The following MAPK8IP3 variants were observed in gnomAD, a reference collection of about 807,000 sequenced individuals.
MAPK8IP3 encodes the protein C-Jun-amino-terminal kinase-interacting protein 3.
A neutral mutation model predicts 157.8 loss-of-function variants in MAPK8IP3; 49 were observed. That is an observed-to-expected ratio of 0.31 (90% CI 0.25 to 0.39). The LOEUF (loss-of-function observed/expected upper bound fraction) is 0.39. Among genes scored for constraint, MAPK8IP3 ranks in the 10% least tolerant of loss-of-function variants. The probability of loss-of-function intolerance (pLI) is 1.00; values close to 1 mark genes in which losing one functional copy is unlikely to be tolerated. For missense variants in MAPK8IP3, 1,478 were observed against 1,889.4 expected, an observed-to-expected ratio of 0.78 and a Z score of 4.04; for synonymous variants, 897 against 777.7, an observed-to-expected ratio of 1.15 and a Z score of -2.55.
chr16:1,761,542 G>A (rs1190648204), intron 13 of MAPK8IP3, among the ~76,000 whole-genome samples: 3 of 147,124 alleles, frequency 2.0e-5, no homozygotes, highest in African/African-American at 7.8e-5. Flanking sequence ...CAGGCAGGGC[G>A]GCCGCCATTC....
intron 8 of MAPK8IP3, among the ~76,000 whole-genome samples, chr16:1,756,790 C>G (rs1246423293): frequency 6.6e-6 from 1 of 152,048 alleles, no homozygotes; most frequent in East Asian, 1.9e-4. Context: ...CCACTGCACT[C>G]CAGCCTGAGC....
At position 1,724,234 on chromosome 16, in the gene MAPK8IP3, G is replaced by A. The variant is rs1009496203; in HGVS notation, c.319-323G>A. Among the ~76,000 whole-genome samples, 20 of 152,224 alleles carry A rather than the reference G, an allele frequency of 1.3e-4. No individual in the cohort carries two copies. Among genetic ancestry groups the A allele is most frequent in the African/African-American group, 3.1e-4 (13 of 41,468 alleles). On this transcript the variant is annotated intron_variant, in intron 1 of 31. Transcript: ENST00000610761. The surrounding 1 kb of genome is among the most constrained non-coding windows in gnomAD (Gnocchi z 4.1). ...AGTGCAGGGCCCCGCATTGCTGCCC[G>A]GGTCTCATGCAGCCACGAAGGCAGC...
intron 8 of MAPK8IP3, among the ~76,000 whole-genome samples, chr16:1,755,662 C>G (rs1425757043): frequency 6.6e-6 from 1 of 151,964 alleles, no homozygotes; most frequent in Non-Finnish European, 1.5e-5. Flanking sequence ...TCTTGGCCAA[C>G]ATGGTGAAAC....
At chr16:1,716,444 C>T (rs1281230618) in intron 1 of MAPK8IP3, among the ~76,000 whole-genome samples, 3 of 151,474 alleles carry the variant, frequency 2.0e-5, no homozygotes, top group East Asian at 3.9e-4. Flanking sequence ...ATTACAGGTA[C>T]GCACCACCAC....
At chr16:1,756,951 T>C (rs2041636220) in intron 8 of MAPK8IP3, among the ~76,000 whole-genome samples, 1 of 152,092 alleles carries the variant, frequency 6.6e-6, no homozygotes, top group Non-Finnish European at 1.5e-5. Flanking sequence ...ACCTGTTGCT[T>C]ATCTAGAAGG....
chr16:1,711,554 A>G (rs759600199), intron 1 of MAPK8IP3, among the ~76,000 whole-genome samples: 1 of 152,170 alleles, frequency 6.6e-6, no homozygotes, highest in Non-Finnish European at 1.5e-5. Flanking sequence ...CTGGAGGATG[A>G]GCTGTTAGTG....
chr16:1,748,995 C>T (rs1192113840), intron 8 of MAPK8IP3: 2 of 547,938 alleles, frequency 3.7e-6, no homozygotes, highest in African/African-American at 3.8e-5. Flanking sequence ...TACTCTAAAT[C>T]ACCTCTAGGT....
At chr16:1,734,519 G>A (rs920129079) in intron 4 of MAPK8IP3, among the ~76,000 whole-genome samples, 1 of 152,246 alleles carries the variant, frequency 6.6e-6, no homozygotes, top group Non-Finnish European at 1.5e-5. Flanking sequence ...GGCAGCCACA[G>A]CCTTGTGCCT....
Position 1,743,481 on chromosome 16 carries a change from TGTAGCC to T in MAPK8IP3, c.747+8_747+13del. On this transcript the variant is annotated splice_donor_region_variant and intron_variant, in intron 5 of 31. Coordinates refer to ENST00000610761, the MANE Select transcript of MAPK8IP3 (RefSeq NM_001318852.2). The surrounding 1 kb of genome is among the most constrained non-coding windows in gnomAD (Gnocchi z 5.6). ...CAGTCCAGCTCCAGCTACCAGGTTT[TGTAGCC>T]GTGCCGTGGAGTGAGAGGCTCCTCC... 6.2e-7 allele frequency: 1 copy of T among 1,608,616 alleles called. No individual in the cohort carries two copies. Among genetic ancestry groups the T allele is most frequent in the Non-Finnish European group, 8.5e-7 (1 of 1,178,762 alleles).
At chr16:1,750,422 A>C (rs1015928057) in intron 8 of MAPK8IP3, among the ~76,000 whole-genome samples, 1 of 152,138 alleles carries the variant, frequency 6.6e-6, no homozygotes, top group Admixed American at 6.6e-5. Context: ...AATATTTGCC[A>C]GGCTGGTCTT....
chr16:1,766,434 G>A (rs1461034412), intron 22 of MAPK8IP3, 25 bp downstream of exon 22: 2 of 1,606,464 alleles, frequency 1.2e-6, no homozygotes, highest in Admixed American at 3.3e-5. Context: ...TGGGGCAGGA[G>A]CAGAGGGAAG....
intron 4 of MAPK8IP3, among the ~76,000 whole-genome samples, chr16:1,736,161 T>A (rs1375703676): frequency 1.6e-5 from 2 of 126,462 alleles, no homozygotes; most frequent in Non-Finnish European, 3.3e-5. Flanking sequence ...TGACCGTCCG[T>A]GTGAGCGTCC....
At position 1,766,085 on chromosome 16, in the gene MAPK8IP3, G is replaced by A. The variant is rs886313797; in HGVS notation, c.2572G>A (p.Val858Met). The A allele has an allele frequency of 2.7e-5, 44 of 1,612,774 alleles. No individual in the cohort carries two copies. Among genetic ancestry groups the A allele is most frequent in the Admixed American group, 1.5e-4 (9 of 60,004 alleles). ...GGTGGGCTGTGCCACCCGCTGCAAC[G>A]TGCCGCGGAGCAACTGCTCCTCCCG... ...TLVGCATRCN[V>M]PRSNCSSRGD... The change falls in exon 21 of 32, where the codon GTG becomes ATG. Residue 858 changes from valine to methionine, a missense_variant. Around this residue, in one of 11 missense-constraint regions of MAPK8IP3, gnomAD observed 669 missense variants for 759.8 expected, o/e 0.88. Transcript: ENST00000610761.
intron 4 of MAPK8IP3, among the ~76,000 whole-genome samples, chr16:1,735,675 C>G (rs1413040932): frequency 4.5e-4 from 61 of 135,606 alleles, no homozygotes; most frequent in Admixed American, 1.1e-3. Context: ...ATCCGTGTGA[C>G]CGTCCGTGTG....
In MAPK8IP3 at chr16:1,758,002, G is replaced by A. The variant is rs964898441; in HGVS notation, c.1217-146G>A. 2.6e-5 allele frequency: 21 copies of A among 797,646 alleles called. No individual in the cohort carries two copies. The African/African-American group carries it at 2.9e-4, about 11-fold the overall frequency. The allele number at this position is 797,646 out of a possible 1,614,324, so 49.4% of individuals were successfully genotyped here. On this transcript the variant is annotated intron_variant, in intron 8 of 31. Transcript: ENST00000610761. ...GGGGCACCGGGACCTGCTGGAGGCT[G>A]CTCCCTCTCTCTCCTGCCCTGCAAC... is the stretch of plus-strand genomic sequence containing the variant.
rs2039144131 is a variant in MAPK8IP3, at chr16:1,729,537, C to T, written c.561C>T (p.Val187=). Residue 187 remains valine (V), a synonymous_variant, in exon 4 of 32, where the codon GTC becomes GTT. Coordinates refer to ENST00000610761, the MANE Select transcript of MAPK8IP3 (RefSeq NM_001318852.2). ...EHIERSKMQQ[V]GGNSQTESSL... is the part of the protein sequence containing the mutation. ...TTGAGAGGTCCAAGATGCAGCAGGTCGGAGGAAACAGCCAGACCGAGAGCA... is the reference window on the plus strand; with the variant it reads ...TTGAGAGGTCCAAGATGCAGCAGGTTGGAGGAAACAGCCAGACCGAGAGCA... 1.2e-6 allele frequency: 2 copies of T among 1,611,590 alleles called. No homozygotes were observed. The highest frequency in any genetic ancestry group is 1.3e-5 in the African/African-American group (1 of 74,856).
chr16:1,736,647 C>T (rs1481656809), intron 4 of MAPK8IP3, among the ~76,000 whole-genome samples: 15 of 48,136 alleles, frequency 3.1e-4, no homozygotes, highest in South Asian at 2.4e-3. Flanking sequence ...AGCGTGTGAC[C>T]GTCCGTGTGA....
intron 1 of MAPK8IP3, among the ~76,000 whole-genome samples, chr16:1,712,367 A>C (rs551280649): frequency 6.6e-6 from 1 of 152,106 alleles, no homozygotes; most frequent in South Asian, 2.1e-4. Context: ...GGCCAGCCTC[A>C]GGAGTTCTTT....
intron 4 of MAPK8IP3, among the ~76,000 whole-genome samples, chr16:1,735,729 A>C (rs1207414749): frequency 2.4e-5 from 2 of 83,832 alleles, no homozygotes; most frequent in East Asian, 9.7e-4. Flanking sequence ...GTGACCGTCC[A>C]TGTGAGAGTG....
Sources: gnomAD v4.1 joint callset for allele counts (sites outside exome capture counted in the v4.1 genomes callset) on GRCh38, gnomAD v4.1.1 for gene constraint, gnomAD v4.1.1 regional missense constraint, Gnocchi (gnomAD v3.1) non-coding constraint, MANE v1.5 for transcripts, NCBI Gene and HGNC (gene_info 2026-07-23, HGNC 2026-07-21) for gene names.